The following ODC1 variants were observed in gnomAD, a reference collection of about 807,000 sequenced individuals.
ODC1 encodes ornithine decarboxylase.
A neutral mutation model predicts 41.5 loss-of-function variants in ODC1; 18 were observed. The observed-to-expected ratio is 0.43, with a 90% confidence interval of 0.30 to 0.64. ODC1 has a LOEUF of 0.64. ODC1 is among the 30% of genes least tolerant of loss of function. ODC1 has a pLI of 0.11. For synonymous variants in ODC1, 218 were observed against 211.6 expected, an observed-to-expected ratio of 1.03 and a Z score of -0.26; for missense variants, 504 against 589.0, an observed-to-expected ratio of 0.86 and a Z score of 1.49.
In ODC1 at chr2:10,442,071, G is replaced by A. The variant is rs753371717; in HGVS notation, c.854C>T (p.Thr285Met). 27 of 1,613,958 alleles carry A rather than the reference G, an allele frequency of 1.7e-5. No individual in the cohort carries two copies. Among genetic ancestry groups the A allele is most frequent in the Middle Eastern group, 1.6e-4 (1 of 6,084 alleles). ...PGRYYVASAF[T>M]LAVNIIAKKI... Reference sequence around the variant, plus strand: ...CTTGGCAATGATATTAACTGCAAGCGTGAAAGCTGATGCAACATAGTATCT... The same window carrying A: ...CTTGGCAATGATATTAACTGCAAGCATGAAAGCTGATGCAACATAGTATCT... The change falls in exon 9 of 12, where the codon ACG (threonine) becomes ATG (methionine). Residue 285 changes from threonine (T) to methionine (M), a missense_variant. Thr to Met is a moderately conservative substitution (Grantham distance 81). Coordinates refer to ENST00000234111, the MANE Select transcript of ODC1 (RefSeq NM_002539.3).
intron 8 of ODC1, 36 bp from the exon 9 acceptor site, chr2:10,442,210 C>A: frequency 6.4e-7 from 1 of 1,563,618 alleles, no homozygotes. Context: ...GAGCAGCCTT[C>A]ATTGTGGGAA....
intron 1 of ODC1, chr2:10,446,927 G>A (rs1572148440): frequency 1.2e-5 from 2 of 164,292 alleles, no homozygotes; most frequent in African/African-American, 4.8e-5. Flanking sequence ...ATCACCCCTC[G>A]GAGAAGGGAA....
chr2:10,444,022 AT>A, intron 5 of ODC1, 72 bp downstream of exon 5: 1 of 1,500,918 alleles, frequency 6.7e-7, no homozygotes, highest in East Asian at 2.3e-5. Context: ...ATAATCAGAA[AT>A]TTAAGTTTGT....
intron 4 of ODC1, 28 bp downstream of exon 4, chr2:10,444,446 G>A (rs756331015): frequency 3.8e-6 from 6 of 1,577,762 alleles, no homozygotes; most frequent in Admixed American, 3.7e-5. Flanking sequence ...TTTATACAAC[G>A]CTTTTGAGGC....
intron 8 of ODC1, 66 bp from the exon 9 acceptor site, chr2:10,442,240 A>T (rs1234087443): frequency 6.7e-7 from 1 of 1,482,804 alleles, no homozygotes; most frequent in Non-Finnish European, 9.1e-7. Context: ...GGGGAGTAAC[A>T]TCACAGGGCC....
intron 8 of ODC1, 101 bp downstream of exon 8, chr2:10,443,129 C>A (rs1415323306): frequency 3.5e-6 from 3 of 861,558 alleles, no homozygotes; most frequent in Non-Finnish European, 5.8e-6. Context: ...CAAGACACTT[C>A]AGCCCATTGT....
At chr2:10,447,843 G>C (rs1485852786) in intron 1 of ODC1, 1 of 152,248 alleles carries the variant, frequency 6.6e-6, no homozygotes, top group East Asian at 1.9e-4. Context: ...AGGCCGGCGC[G>C]GGGCCGCAGG....
At chr2:10,443,968 T>A in intron 5 of ODC1, 127 bp downstream of exon 5, 1 of 1,454,972 alleles carries the variant, frequency 6.9e-7, no homozygotes, top group African/African-American at 1.4e-5. Flanking sequence ...GCTTCATGAC[T>A]CAATGGGGGT....
At chr2:10,444,334 TGG>T in intron 4 of ODC1, 67 bp from the exon 5 acceptor site, 1 of 1,522,344 alleles carries the variant, frequency 6.6e-7, no homozygotes, top group Non-Finnish European at 8.8e-7. Context: ...CAGAAAAGCA[TGG>T]GAAGTTGTCA....
rs1301732724 is a variant in ODC1 at position 10,444,584 on chromosome 2, A to G, written c.166T>C (p.Leu56=). 1.2e-6 allele frequency: 2 copies of G among 1,613,934 alleles called. No homozygotes were observed. The highest frequency in any genetic ancestry group is 1.7e-6 in the Non-Finnish European group (2 of 1,179,996). Residue 56 remains leucine (L), a synonymous_variant, in exon 4 of 12, where the codon TTA becomes CTA. Transcript: ENST00000234111. The part of the protein sequence containing the change: ...GDILKKHLRW[L]KALPRVTPFY... ...GGGGTGACACGAGGGAGAGCTTTTA[A>G]CCACCTCAGATGTTTCTTTAGAATG...
rs776706236 is a variant in ODC1 at position 10,440,144 on chromosome 2, G to A, written c.*580C>T. 16 of 152,696 alleles carry A rather than the reference G, an allele frequency of 1.0e-4. No individual in the cohort carries two copies. Among genetic ancestry groups the A allele is most frequent in the Non-Finnish European group, 1.3e-4 (9 of 68,468 alleles). 9.5% of individuals were successfully genotyped at this position (152,696 alleles called of 1,614,324 possible). A position where few individuals can be genotyped will look rare whatever the true frequency, so the allele number is the denominator to read the frequency against. ...GCACTGGCCTGGACAGGACAGGTCC[G>A]TCAGACTTAAGTAGGTCCCACCACC... On this transcript the variant is annotated 3_prime_UTR_variant, in exon 12 of 12. Coordinates refer to ENST00000234111, the MANE Select transcript of ODC1 (RefSeq NM_002539.3).
chr2:10,443,564 C>T lies in ODC1; in HGVS notation c.592G>A (p.Val198Ile). Residue 198 changes from valine to isoleucine, a missense_variant, in exon 7 of 12, where the codon GTA becomes ATA. Physicochemically the swap from Val to Ile is conservative, Grantham distance 29 (BLOSUM62 3). This residue lies in a region of ODC1 where 447 missense variants were observed against 524.4 expected (regional missense o/e 0.85). Coordinates refer to ENST00000234111, the MANE Select transcript of ODC1 (RefSeq NM_002539.3). ...TCAGGATCGGTACAGCCGCTTCCTA[C>T]ATGGAAGCTGGGGTAAAATAAAGAG... ...NIDVVGVSFH[V>I]GSGCTDPETF... 6.2e-7 allele frequency: 1 copy of T among 1,613,226 alleles called. No homozygotes were observed. The highest frequency in any genetic ancestry group is 8.5e-7 in the Non-Finnish European group (1 of 1,179,398).
intron 5 of ODC1, 96 bp downstream of exon 5, chr2:10,443,999 G>C (rs1432895637): frequency 3.8e-5 from 55 of 1,466,346 alleles, no homozygotes; most frequent in Non-Finnish European, 4.9e-5. Context: ...TTCTACTAAA[G>C]TATAGAAATA....
chr2:10,446,130 GTA>G (rs1672004112), intron 1 of ODC1, among the ~76,000 whole-genome samples: 1 of 130,318 alleles, frequency 7.7e-6, no homozygotes, highest in African/African-American at 3.3e-5. Context: ...TCAGAATTCA[GTA>G]TTTTTTTTTT....
chr2:10,445,903 T>C (rs1331209208), intron 1 of ODC1, among the ~76,000 whole-genome samples: 2 of 152,212 alleles, frequency 1.3e-5, no homozygotes, highest in Non-Finnish European at 1.5e-5. Context: ...TCCAAAGTGC[T>C]GGGATTACAT....
chr2:10,441,953 T>C, intron 9 of ODC1, 24 bp from the exon 10 acceptor site: 1 of 1,613,326 alleles, frequency 6.2e-7, no homozygotes, highest in Non-Finnish European at 8.5e-7. Context: ...TCAACAATCT[T>C]AATGACTTTT....
intron 8 of ODC1, among the ~76,000 whole-genome samples, chr2:10,442,979 C>T (rs955501336): frequency 6.6e-6 from 1 of 152,164 alleles, no homozygotes; most frequent in Non-Finnish European, 1.5e-5. Context: ...TCCCCAAGTG[C>T]TGGATTACAG....
chr2:10,441,316 C>T (rs1671809901), intron 11 of ODC1, among the ~76,000 whole-genome samples, 193 bp downstream of exon 11: 1 of 152,240 alleles, frequency 6.6e-6, no homozygotes, highest in East Asian at 1.9e-4. Context: ...CCACAAGACA[C>T]ATGGCATGAA....
At chr2:10,444,682 A>G in intron 3 of ODC1, 35 bp from the exon 4 acceptor site, 1 of 1,583,996 alleles carries the variant, frequency 6.3e-7, no homozygotes, top group Non-Finnish European at 8.6e-7. Flanking sequence ...ACTCACTAGC[A>G]GCCTCACCAC....
Sources: gnomAD v4.1 joint callset for allele counts (sites outside exome capture counted in the v4.1 genomes callset) on GRCh38, gnomAD v4.1.1 for gene constraint, gnomAD v4.1.1 regional missense constraint, MANE v1.5 for transcripts, NCBI Gene and HGNC (gene_info 2026-07-23, HGNC 2026-07-21) for gene names.